The following DHRSX variants were observed in gnomAD, a reference collection of about 807,000 sequenced individuals.
DHRSX encodes dehydrogenase/reductase X-linked.
Under a neutral mutation model 34.0 loss-of-function variants are expected in DHRSX, and 31 were observed. That is an observed-to-expected ratio of 0.91 (90% CI 0.69 to 1.23). The LOEUF (loss-of-function observed/expected upper bound fraction) is 1.23. Among genes scored for constraint, DHRSX ranks in the 50% most tolerant of loss-of-function variants. The pLI is 0.00. For missense variants in DHRSX, 414 were observed against 428.1 expected (o/e 0.97, Z 0.29); for synonymous variants, 201 against 183.8 (o/e 1.09, Z -0.76).
chrX:2,379,701 T>C (rs1056063467), intron 3 of DHRSX, among the ~76,000 whole-genome samples: 2 of 149,958 alleles, frequency 1.3e-5, no homozygotes, highest in Non-Finnish European at 3.0e-5. Context: ...ACCCTGTCAG[T>C]GTGGGGGGCA....
chrX:2,488,472 A>C, intron 1 of DHRSX: 2 of 975,926 alleles, frequency 2.0e-6, no homozygotes, highest in Non-Finnish European at 2.9e-6. Flanking sequence ...ACCGCCCCCG[A>C]CCCTCTCTCA....
intron 3 of DHRSX, among the ~76,000 whole-genome samples, chrX:2,383,357 G>A (rs188780562): frequency 0.062 from 9,325 of 150,714 alleles, 649 homozygotes; most frequent in African/African-American, 0.17. Flanking sequence ...AGCAGCAGCA[G>A]CATAATCATT....
intron 3 of DHRSX, among the ~76,000 whole-genome samples, chrX:2,350,807 C>T (rs1369344400): frequency 6.6e-6 from 1 of 152,056 alleles, no homozygotes; most frequent in African/African-American, 2.4e-5. Context: ...CTATTTATAA[C>T]AGCAAAGACT....
intron 1 of DHRSX, among the ~76,000 whole-genome samples, chrX:2,469,561 C>A (rs769520563): frequency 6.6e-6 from 1 of 151,380 alleles, no homozygotes; most frequent in African/African-American, 2.4e-5. Flanking sequence ...GCCAAGGGAC[C>A]GCCACCGTGT....
rs59435030 is a variant in DHRSX, at chrX:2,370,590, G to GAAAAAAAAAAA, written c.286+38144_286+38154dup. ...TTGTCTTCCAGAAAATGGTTTTACT[G>GAAAAAAAAAAA]AAAAAAAAAAAAAAAAAATTCCCTT... is the stretch of plus-strand genomic sequence containing the variant. On this transcript the variant is annotated intron_variant, in intron 3 of 6. Coordinates refer to ENST00000334651, the MANE Select transcript of DHRSX (RefSeq NM_145177.3). 8.9e-3 allele frequency among the ~76,000 whole-genome samples: 1,177 copies of GAAAAAAAAAAA among 132,460 alleles called. 20 individuals carry two copies. Among genetic ancestry groups the GAAAAAAAAAAA allele is most frequent in the Middle Eastern group, 0.012 (3 of 258 alleles). 86.9% of individuals were successfully genotyped at this position (132,460 alleles called of 152,430 possible). A position where few individuals can be genotyped will look rare whatever the true frequency, so the allele number is the denominator to read the frequency against.
At chrX:2,382,970 C>T (rs2043229397) in intron 3 of DHRSX, among the ~76,000 whole-genome samples, 1 of 61,304 alleles carries the variant, frequency 1.6e-5, no homozygotes, top group Non-Finnish European at 3.9e-5. Context: ...TCACCATCAC[C>T]ATCATCACCA....
intron 3 of DHRSX, among the ~76,000 whole-genome samples, chrX:2,380,149 G>C (rs2043186394): frequency 6.6e-6 from 1 of 151,822 alleles, no homozygotes; most frequent in South Asian, 2.1e-4. Context: ...ACAGAGCTTA[G>C]CTGTGCATGG....
intron 3 of DHRSX, among the ~76,000 whole-genome samples, chrX:2,333,292 T>C (rs989393811): frequency 1.3e-5 from 2 of 152,140 alleles, no homozygotes; most frequent in Non-Finnish European, 2.9e-5. Context: ...TGTACAAACA[T>C]GTATTTTTTT....
Position 2,324,253 on chromosome X carries a change from G to A in DHRSX, c.287-32650C>T, listed in dbSNP as rs779200921. Among the ~76,000 whole-genome samples, 3 of 152,180 alleles carry A rather than the reference G, an allele frequency of 2.0e-5. No individual in the cohort carries two copies. In the South Asian group the frequency reaches 6.2e-4, roughly 32 times the overall value. On this transcript the variant is annotated intron_variant, in intron 3 of 6. Transcript: ENST00000334651. ...AGGGGGTTGAGGACGCATGCATGTG[G>A]AATCCAAACATTGAATGCACTGAGA...
intron 3 of DHRSX, among the ~76,000 whole-genome samples, chrX:2,377,247 A>G (rs1177766423): frequency 6.6e-6 from 1 of 151,896 alleles, no homozygotes; most frequent in Non-Finnish European, 1.5e-5. Context: ...CTTTATTTCT[A>G]TGATGATACG....
intron 1 of DHRSX, among the ~76,000 whole-genome samples, chrX:2,495,696 G>C (rs1386122722): frequency 2.0e-5 from 3 of 151,094 alleles, no homozygotes; most frequent in Admixed American, 6.7e-5. Flanking sequence ...AGCACACAAG[G>C]CCACGAATAA....
At chrX:2,457,900 A>C (rs1476791152) in intron 1 of DHRSX, among the ~76,000 whole-genome samples, 3 of 151,034 alleles carry the variant, frequency 2.0e-5, no homozygotes, top group Non-Finnish European at 4.4e-5. Flanking sequence ...ACGGCAGGGA[A>C]TATGTTCCGT....
intron 1 of DHRSX, among the ~76,000 whole-genome samples, chrX:2,494,633 CATT>C (rs964155593): frequency 4.0e-5 from 6 of 151,480 alleles, no homozygotes; most frequent in African/African-American, 1.2e-4. Context: ...CTATTATTAT[CATT>C]ATTATTATTA....
chrX:2,321,529 G>A (rs1196823765), intron 3 of DHRSX, among the ~76,000 whole-genome samples: 2 of 151,958 alleles, frequency 1.3e-5, no homozygotes, highest in East Asian at 1.9e-4. Context: ...GTTGGGATTC[G>A]TGCCCTTGTA....
At chrX:2,298,841 C>T (rs1337197021) in intron 3 of DHRSX, among the ~76,000 whole-genome samples, 2 of 151,850 alleles carry the variant, frequency 1.3e-5, no homozygotes, top group Admixed American at 1.3e-4. Context: ...CAAAATTAGC[C>T]GGGTGTGGTG....
At chrX:2,428,622 A>G (rs948860107) in intron 1 of DHRSX, among the ~76,000 whole-genome samples, 10 of 152,224 alleles carry the variant, frequency 6.6e-5, no homozygotes, top group African/African-American at 1.4e-4. Flanking sequence ...GCCTGTCAGG[A>G]GGTGAGGGAC....
intron 3 of DHRSX, 136 bp from the exon 4 acceptor site, chrX:2,291,739 AG>A (rs1403099043): frequency 5.7e-5 from 39 of 682,656 alleles, no homozygotes; most frequent in Non-Finnish European, 8.7e-5. Flanking sequence ...TTTGAGATGG[AG>A]TCTCGCTCTG....
chrX:2,259,470 G>A (rs1319870932), intron 5 of DHRSX, among the ~76,000 whole-genome samples: 1 of 151,262 alleles, frequency 6.6e-6, no homozygotes, highest in African/African-American at 2.4e-5. Context: ...AACAAAAAAT[G>A]TTAGAGCCGG....
intron 3 of DHRSX, among the ~76,000 whole-genome samples, chrX:2,315,339 T>C (rs926851580): frequency 1.3e-5 from 2 of 151,962 alleles, no homozygotes; most frequent in African/African-American, 2.4e-5. Flanking sequence ...ATCAGTAACG[T>C]GGGGTACAGG....
Sources: allele counts gnomAD v4.1 joint callset (sites outside exome capture counted in the v4.1 genomes callset), GRCh38; gene constraint gnomAD v4.1.1; transcripts MANE v1.5; gene names NCBI Gene and HGNC (gene_info 2026-07-23, HGNC 2026-07-21).